FRMD5: variants seen among roughly 807,000 people sequenced by gnomAD.
FRMD5 encodes FERM domain-containing protein 5.
Under a neutral mutation model 69.0 loss-of-function variants are expected in FRMD5, and 20 were observed. That is an observed-to-expected ratio of 0.29 (90% CI 0.20 to 0.42). The LOEUF (loss-of-function observed/expected upper bound fraction) is 0.42, where lower values mean the gene tolerates loss of function less well. Among genes scored for constraint, FRMD5 ranks in the 10% least tolerant of loss-of-function variants. FRMD5 has a pLI of 1.00. For missense variants in FRMD5, 595 were observed against 708.6 expected (o/e 0.84, Z 1.82); for synonymous variants, 271 against 260.1 (o/e 1.04, Z -0.40).
At chr15:43,887,526 A>G (rs535933879) in intron 10 of FRMD5, among the ~76,000 whole-genome samples, 13 of 152,360 alleles carry the variant, frequency 8.5e-5, no homozygotes, top group African/African-American at 3.1e-4. Flanking sequence ...GTATAAACAC[A>G]TAATGGGAAT....
chr15:44,084,265 G>A (rs138535485), intron 1 of FRMD5, among the ~76,000 whole-genome samples: 1 of 152,074 alleles, frequency 6.6e-6, no homozygotes, highest in Non-Finnish European at 1.5e-5. Flanking sequence ...TTTGCAAGCT[G>A]TAAACTTCTT....
At chr15:44,008,326 C>A (rs1039663712) in intron 1 of FRMD5, among the ~76,000 whole-genome samples, 1 of 151,858 alleles carries the variant, frequency 6.6e-6, no homozygotes, top group Admixed American at 6.6e-5. Context: ...TATAGTGGCA[C>A]CATCTCAGCT....
chr15:43,966,861 A>C (rs902657536), intron 1 of FRMD5, among the ~76,000 whole-genome samples: 1 of 152,194 alleles, frequency 6.6e-6, no homozygotes, highest in African/African-American at 2.4e-5. Flanking sequence ...ACATGATCCA[A>C]GTGGTGTTCT....
intron 1 of FRMD5, among the ~76,000 whole-genome samples, chr15:44,120,667 C>T (rs902769861): frequency 1.4e-4 from 21 of 150,396 alleles, no homozygotes; most frequent in Non-Finnish European, 2.5e-4. Context: ...GGACTACAGG[C>T]GCCTGCCACC....
intron 1 of FRMD5, among the ~76,000 whole-genome samples, chr15:43,992,035 T>G (rs1275885151): frequency 6.6e-6 from 1 of 152,190 alleles, no homozygotes; most frequent in Admixed American, 6.5e-5. Context: ...TAAGGTATCT[T>G]CTATTAAAAA....
chr15:44,070,105 T>C (rs191951583), intron 1 of FRMD5, among the ~76,000 whole-genome samples: 36 of 152,282 alleles, frequency 2.4e-4, no homozygotes, highest in Admixed American at 2.2e-3. Flanking sequence ...TGGCTAACCA[T>C]TTCCAGAGGA....
chr15:43,917,559 A>C (rs1230858834), intron 4 of FRMD5, among the ~76,000 whole-genome samples: 1 of 151,900 alleles, frequency 6.6e-6, no homozygotes, highest in Non-Finnish European at 1.5e-5. Flanking sequence ...TAATTTTTGT[A>C]TTTTTAGTAG....
At chr15:44,116,866 G>A (rs939651567) in intron 1 of FRMD5, among the ~76,000 whole-genome samples, 1 of 152,042 alleles carries the variant, frequency 6.6e-6, no homozygotes, top group Non-Finnish European at 1.5e-5. Flanking sequence ...CGGATCACCT[G>A]AGGTCAGGAG....
chr15:44,188,297 A>G (rs2078136761), intron 1 of FRMD5, among the ~76,000 whole-genome samples: 1 of 152,208 alleles, frequency 6.6e-6, no homozygotes, highest in Admixed American at 6.5e-5. Flanking sequence ...TAGACAACCT[A>G]GCATTTACCT....
At chr15:43,994,249 T>G (rs569582112) in intron 1 of FRMD5, among the ~76,000 whole-genome samples, 6 of 152,176 alleles carry the variant, frequency 3.9e-5, no homozygotes, top group Non-Finnish European at 5.9e-5. Context: ...TACTATAGGC[T>G]TTTGTTTTGT....
intron 1 of FRMD5, among the ~76,000 whole-genome samples, chr15:44,110,016 T>C (rs1349382266): frequency 6.6e-6 from 1 of 152,244 alleles, no homozygotes; most frequent in African/African-American, 2.4e-5. Context: ...CATGGTTTAT[T>C]TATTTATTCA....
intron 1 of FRMD5, chr15:44,194,588 G>A (rs78549774): frequency 3.2e-4 from 108 of 337,806 alleles, no homozygotes; most frequent in African/African-American, 2.4e-3. Context: ...CCCCGACGGG[G>A]CGGCCGGGCT....
intron 1 of FRMD5, among the ~76,000 whole-genome samples, chr15:44,091,078 T>C (rs1484528972): frequency 5.3e-5 from 8 of 152,212 alleles, no homozygotes; most frequent in Non-Finnish European, 1.2e-4. Context: ...TTGAGATCAA[T>C]TTATAGCAAC....
At chr15:43,890,092 G>A (rs575148938) in intron 8 of FRMD5, among the ~76,000 whole-genome samples, 7 of 152,138 alleles carry the variant, frequency 4.6e-5, no homozygotes, top group East Asian at 1.9e-4. Flanking sequence ...CAAGTCACAC[G>A]GTATTCCTTC....
At chr15:43,988,055 T>C (rs11632901) in intron 1 of FRMD5, among the ~76,000 whole-genome samples, 137,112 of 152,070 alleles carry the variant, frequency 0.9, 62,377 homozygotes, top group East Asian at 1. Context: ...ATGGGGTTCA[T>C]GCTCCTATGA....
intron 1 of FRMD5, among the ~76,000 whole-genome samples, chr15:44,143,482 G>T (rs1360225389): frequency 6.6e-6 from 1 of 151,760 alleles, no homozygotes; most frequent in Non-Finnish European, 1.5e-5. Flanking sequence ...GAAGAACTAT[G>T]ATATGGAATA....
At chr15:43,976,193 T>C (rs1181697407) in intron 1 of FRMD5, among the ~76,000 whole-genome samples, 3 of 151,158 alleles carry the variant, frequency 2.0e-5, no homozygotes, top group Non-Finnish European at 4.4e-5. Flanking sequence ...AGAAAACATT[T>C]GTAACCTTGG....
intron 1 of FRMD5, among the ~76,000 whole-genome samples, chr15:44,164,381 C>G (rs180836866): frequency 2.6e-5 from 4 of 152,042 alleles, no homozygotes; most frequent in Non-Finnish European, 5.9e-5. Flanking sequence ...TATTATTGGT[C>G]ATTTTTTTTT....
chr15:43,908,586 G>T (rs1351109362), intron 5 of FRMD5, among the ~76,000 whole-genome samples: 2 of 152,126 alleles, frequency 1.3e-5, no homozygotes, highest in East Asian at 3.9e-4. Context: ...TTCTTTTGGG[G>T]AAACTTCATG....
Sources: allele counts gnomAD v4.1 joint callset (sites outside exome capture counted in the v4.1 genomes callset), GRCh38; gene constraint gnomAD v4.1.1; transcripts MANE v1.5; gene names NCBI Gene and HGNC (gene_info 2026-07-23, HGNC 2026-07-21).